Variants in CORO7 observed in about 807,000 individuals in gnomAD.
The protein encoded by CORO7 is coronin 7, also known as coronin-7.
Under a neutral mutation model 126.6 loss-of-function variants are expected in CORO7, and 107 were observed. The ratio of observed to expected loss-of-function variants is 0.85; its 90% CI spans 0.72 to 0.99. The LOEUF (loss-of-function observed/expected upper bound fraction) is 0.99, where lower values mean the gene tolerates loss of function less well. CORO7 is among the 50% of genes least tolerant of loss of function. The pLI is 0.00. For missense variants in CORO7, 1,314 were observed against 1,255.8 expected, an observed-to-expected ratio of 1.05 and a Z score of -0.70; for synonymous variants, 603 against 536.8, an observed-to-expected ratio of 1.12 and a Z score of -1.70.
In CORO7 at chr16:4,358,370, G is replaced by C. The variant is rs538070785; in HGVS notation, c.2454C>G (p.Val818=). The part of the protein sequence containing the change: ...LEPVAFRLPR[V]RKEFFQDDVF... Reference sequence around the variant, plus strand: ...AGTCCCAGGTCCCCACCCTCACCCGGACTCGGGGCAGCCGGAAGGCCACAG... The same window carrying C: ...AGTCCCAGGTCCCCACCCTCACCCGCACTCGGGGCAGCCGGAAGGCCACAG... The change falls in exon 24 of 28, where the codon GTC becomes GTG. Residue 818 remains valine, a synonymous_variant. Transcript: ENST00000251166. 2 of 1,612,290 alleles carry C rather than the reference G, an allele frequency of 1.2e-6. No homozygotes were observed. Among genetic ancestry groups the C allele is most frequent in the African/African-American group, 2.7e-5 (2 of 75,004 alleles).
intron 9 of CORO7, among the ~76,000 whole-genome samples, chr16:4,387,021 C>A (rs1452146690): frequency 1.3e-5 from 2 of 152,214 alleles, no homozygotes; most frequent in Admixed American, 6.5e-5. Context: ...AATGAATAAG[C>A]TTGCCAAGTA....
intron 6 of CORO7, among the ~76,000 whole-genome samples, chr16:4,396,011 T>TAC (rs1555478684): frequency 6.6e-6 from 1 of 151,548 alleles, no homozygotes; most frequent in African/African-American, 2.4e-5. Flanking sequence ...TGTGTGTGTG[T>TAC]ACACAAACAT....
At chr16:4,365,457 T>A (rs1359651229) in intron 10 of CORO7, 34 bp downstream of exon 10, 2 of 1,554,398 alleles carry the variant, frequency 1.3e-6, no homozygotes, top group African/African-American at 2.7e-5. Flanking sequence ...CTCCAGGCTG[T>A]GGATGTGGGT....
Position 4,365,538 on chromosome 16 carries a change from C to G in CORO7, c.793G>C (p.Val265Leu). The G allele has an allele frequency of 3.2e-6, 5 of 1,581,390 alleles. No individual in the cohort carries two copies. The highest frequency in any genetic ancestry group is 4.3e-6 in the Non-Finnish European group (5 of 1,163,962). The change falls in exon 10 of 28, where the codon GTG becomes CTG. Residue 265 changes from valine (V) to leucine (L), a missense_variant. Coordinates refer to ENST00000251166, the MANE Select transcript of CORO7 (RefSeq NM_024535.5). ...CCAGAGTCAGGGTCCAGCAGAGGCA[C>G]GAGACACCTGGGGAAGAGAGGGCAA... Reference protein sequence around the residue: ...LTLDTSLGCLVPLLDPDSGLL... With the variant: ...LTLDTSLGCLLPLLDPDSGLL...
At chr16:4,359,037 G>A (rs998759220) in intron 23 of CORO7, 32 of 530,036 alleles carry the variant, frequency 6.0e-5, no homozygotes, top group Non-Finnish European at 7.9e-5. Context: ...TCAGCCTTCC[G>A]AAGTGTTGGG....
At chr16:4,388,380 G>A (rs1169152941) in intron 8 of CORO7, among the ~76,000 whole-genome samples, 165 bp downstream of exon 8, 2 of 152,196 alleles carry the variant, frequency 1.3e-5, no homozygotes, top group African/African-American at 2.4e-5. Flanking sequence ...TTCAGCAGCC[G>A]TCAGTCCCCT....
intron 5 of CORO7, among the ~76,000 whole-genome samples, chr16:4,407,060 G>C (rs2056026243): frequency 6.6e-6 from 1 of 152,116 alleles, no homozygotes; most frequent in African/African-American, 2.4e-5. Flanking sequence ...CAATACTCTT[G>C]CCGCAGCCTT....
At chr16:4,392,696 C>T (rs2055436537) in intron 7 of CORO7, among the ~76,000 whole-genome samples, 1 of 152,246 alleles carries the variant, frequency 6.6e-6, no homozygotes, top group Non-Finnish European at 1.5e-5. Context: ...CAGAAGGCCT[C>T]TCCCTCGAGC....
In CORO7 at chr16:4,362,519, T is replaced by C. The variant is rs2141189728; in HGVS notation, c.1402+93A>G. On this transcript the variant is annotated intron_variant, in intron 15 of 27. Coordinates refer to ENST00000251166, the MANE Select transcript of CORO7 (RefSeq NM_024535.5). The surrounding 1 kb of genome is among the most constrained non-coding windows in gnomAD (Gnocchi z 5.3). ...TGAGGGGGGTGCCCTGCATGAGGCC[T>C]GTGCTCAGCAGTAGGGTACACAGGA... The C allele has an allele frequency of 4.1e-6, 6 of 1,455,774 alleles. No individual in the cohort carries two copies. The highest frequency in any genetic ancestry group is 5.4e-6 in the Non-Finnish European group (6 of 1,104,802). 90.2% of individuals were successfully genotyped at this position (1,455,774 alleles called of 1,614,324 possible).
chr16:4,407,511 C>G lies in CORO7; in HGVS notation c.477G>C (p.Gln159His). ...TVKVWDAAKQ[Q>H]PLTELAAHGD... Reference sequence around the variant, plus strand: ...CAGGGTGGCCTGTACCTGTCAGGGGCTGCTGCTTGGCTGCGTCCCAGACCT... The same window carrying G: ...CAGGGTGGCCTGTACCTGTCAGGGGGTGCTGCTTGGCTGCGTCCCAGACCT... The change falls in exon 5 of 28, where the codon CAG becomes CAC. Residue 159 changes from glutamine to histidine, a missense_variant. By Grantham distance (24) the Gln-to-His change is conservative. Coordinates refer to ENST00000251166, the MANE Select transcript of CORO7 (RefSeq NM_024535.5). The G allele has an allele frequency of 6.4e-7, 1 of 1,568,256 alleles. No individual in the cohort carries two copies. Among genetic ancestry groups the G allele is most frequent in the Non-Finnish European group, 8.6e-7 (1 of 1,156,684 alleles).
intron 9 of CORO7, among the ~76,000 whole-genome samples, chr16:4,373,828 G>C (rs1452908848): frequency 6.6e-6 from 1 of 152,172 alleles, no homozygotes; most frequent in Non-Finnish European, 1.5e-5. Context: ...CAGACAGCCA[G>C]TCCTGCCAGT....
At chr16:4,371,366 A>G (rs1038549561) in intron 9 of CORO7, among the ~76,000 whole-genome samples, 4 of 152,210 alleles carry the variant, frequency 2.6e-5, no homozygotes, top group Non-Finnish European at 4.4e-5. Context: ...TTAGCTACCA[A>G]CAATAACACA....
At chr16:4,368,801 T>C (rs1408778714) in intron 9 of CORO7, among the ~76,000 whole-genome samples, 2 of 147,518 alleles carry the variant, frequency 1.4e-5, no homozygotes, top group African/African-American at 5.0e-5. Flanking sequence ...CAAGACCCTA[T>C]CTCAAAAAAA....
At chr16:4,413,832 C>G (rs988778025) in intron 1 of CORO7, among the ~76,000 whole-genome samples, 6 of 152,014 alleles carry the variant, frequency 3.9e-5, no homozygotes, top group Non-Finnish European at 8.8e-5. Flanking sequence ...GCCTCCGCCC[C>G]CAGCCGTGTT....
intron 6 of CORO7, among the ~76,000 whole-genome samples, chr16:4,398,861 G>C (rs1431826512): frequency 6.6e-6 from 1 of 151,924 alleles, no homozygotes; most frequent in Non-Finnish European, 1.5e-5. Flanking sequence ...CCAGCTACTG[G>C]GGAGGCTGAG....
chr16:4,361,322 C>T, intron 17 of CORO7, 39 bp downstream of exon 17: 1 of 1,611,184 alleles, frequency 6.2e-7, no homozygotes. Flanking sequence ...ATCCGGGACC[C>T]AGGACCCTCC....
At chr16:4,416,090 C>T (rs890659318) in intron 1 of CORO7, among the ~76,000 whole-genome samples, 4 of 152,100 alleles carry the variant, frequency 2.6e-5, no homozygotes, top group Non-Finnish European at 4.4e-5. Flanking sequence ...GAGCCAGGCG[C>T]CGGCAGCGCC....
At chr16:4,382,127 G>T in intron 9 of CORO7, 1 of 1,589,194 alleles carries the variant, frequency 6.3e-7, no homozygotes. Context: ...TGCCTCAATG[G>T]GGGCACATGC....
At chr16:4,395,787 G>A (rs1364067087) in intron 6 of CORO7, among the ~76,000 whole-genome samples, 2 of 152,190 alleles carry the variant, frequency 1.3e-5, no homozygotes, top group African/African-American at 4.8e-5. Flanking sequence ...AGGCTCATAT[G>A]ACGACCTCAT....
Sources: gnomAD v4.1 joint callset for allele counts (sites outside exome capture counted in the v4.1 genomes callset) on GRCh38, gnomAD v4.1.1 for gene constraint, Gnocchi (gnomAD v3.1) non-coding constraint, MANE v1.5 for transcripts, NCBI Gene and HGNC (gene_info 2026-07-23, HGNC 2026-07-21) for gene names.